Variants in PYGB observed in about 807,000 individuals in gnomAD.
The protein encoded by PYGB is glycogen phosphorylase B.
In PYGB, 82 loss-of-function variants were observed where a neutral mutation model predicts 94.3. The ratio of observed to expected loss-of-function variants is 0.87; its 90% CI spans 0.73 to 1.04. PYGB has a LOEUF of 1.04. Ranked by LOEUF, PYGB falls within the 50% of genes least tolerant of loss-of-function variation. PYGB has a pLI of 0.00. For missense variants in PYGB, 1,132 were observed against 1,158.2 expected, an observed-to-expected ratio of 0.98 and a Z score of 0.33; for synonymous variants, 488 against 479.1, an observed-to-expected ratio of 1.02 and a Z score of -0.24.
chr20:25,259,984 G>A (rs1165084548), intron 2 of PYGB, among the ~76,000 whole-genome samples: 3 of 152,124 alleles, frequency 2.0e-5, no homozygotes, highest in Non-Finnish European at 4.4e-5. Flanking sequence ...CCACCTCAGC[G>A]CCCTGCCACC....
intron 18 of PYGB, among the ~76,000 whole-genome samples, chr20:25,295,276 T>C (rs1390885328): frequency 1.3e-5 from 2 of 152,260 alleles, no homozygotes; most frequent in Non-Finnish European, 2.9e-5. Context: ...CTCTCCACTG[T>C]CTGCCCAGGA....
chr20:25,275,977 G>A (rs368266259), intron 5 of PYGB, among the ~76,000 whole-genome samples: 4 of 152,380 alleles, frequency 2.6e-5, no homozygotes, highest in East Asian at 3.9e-4. Flanking sequence ...CCCTGAGTGC[G>A]CCTGCCGGGG....
intron 1 of PYGB, among the ~76,000 whole-genome samples, chr20:25,253,463 C>A (rs1212620676): frequency 6.6e-6 from 1 of 151,876 alleles, no homozygotes; most frequent in Non-Finnish European, 1.5e-5. Flanking sequence ...ACCAGCCTGA[C>A]CAATATGGTG....
intron 18 of PYGB, 129 bp downstream of exon 18, chr20:25,294,421 C>G (rs1600746022): frequency 1.8e-5 from 22 of 1,190,094 alleles, no homozygotes; most frequent in African/African-American, 1.5e-4. Flanking sequence ...CTCCACTGTG[C>G]CCATGAGACC....
intron 1 of PYGB, among the ~76,000 whole-genome samples, 167 bp downstream of exon 1, chr20:25,248,588 G>C (rs574993968): frequency 4.8e-4 from 73 of 152,034 alleles, no homozygotes; most frequent in African/African-American, 1.4e-3. Flanking sequence ...AGCCGCAGTC[G>C]GCGGGGCCCG....
chr20:25,278,266 G>T (rs1420851431), intron 7 of PYGB, 53 bp from the exon 8 acceptor site: 8 of 433,682 alleles, frequency 1.8e-5, no homozygotes, highest in Non-Finnish European at 2.1e-5. Context: ...TGGGCTTCCT[G>T]GGGGAGGAGA....
At chr20:25,258,838 AC>A (rs1304968512) in intron 1 of PYGB, among the ~76,000 whole-genome samples, 3 of 152,270 alleles carry the variant, frequency 2.0e-5, no homozygotes, top group Non-Finnish European at 4.4e-5. Flanking sequence ...GGCCTGTGTT[AC>A]ATCTGTGTTA....
At chr20:25,270,543 G>A (rs988933036) in intron 3 of PYGB, among the ~76,000 whole-genome samples, 1 of 152,112 alleles carries the variant, frequency 6.6e-6, no homozygotes, top group African/African-American at 2.4e-5. Context: ...CTGTGCCCAG[G>A]CTGGAGTGCA....
intron 18 of PYGB, chr20:25,294,716 T>C: frequency 1.6e-6 from 1 of 613,504 alleles, no homozygotes; most frequent in Non-Finnish European, 3.0e-6. Flanking sequence ...CAGGCAGTGG[T>C]GAAAATGGAT....
intron 18 of PYGB, among the ~76,000 whole-genome samples, chr20:25,295,272 A>G (rs2088523272): frequency 6.6e-6 from 1 of 152,242 alleles, no homozygotes; most frequent in Non-Finnish European, 1.5e-5. Context: ...TGGGCTCTCC[A>G]CTGTCTGCCC....
intron 11 of PYGB, among the ~76,000 whole-genome samples, chr20:25,281,404 G>T (rs547974011): frequency 3.3e-4 from 50 of 152,380 alleles, no homozygotes; most frequent in African/African-American, 1.2e-3. Flanking sequence ...TGGGGGTCCA[G>T]TCGGAGGCTC....
At chr20:25,260,047 T>C (rs2123522922) in intron 2 of PYGB, among the ~76,000 whole-genome samples, 1 of 152,226 alleles carries the variant, frequency 6.6e-6, no homozygotes, top group African/African-American at 2.4e-5. Context: ...GGGTGTTTTG[T>C]TGGGGGCAAA....
In PYGB at chr20:25,290,465, C is replaced by T; in HGVS notation, c.1828-16C>T. The T allele has an allele frequency of 1.2e-6, 2 of 1,600,020 alleles. No homozygotes were observed. The highest frequency in any genetic ancestry group is 2.2e-5 in the South Asian group (2 of 90,824). ...AAGGCATTTTTGTGCTAAAAACCTT[C>T]ACCCTCTCCTTCCAGGCAGCGCCCG... is the stretch of plus-strand genomic sequence containing the variant. On this transcript the variant is annotated splice_polypyrimidine_tract_variant and intron_variant, in intron 15 of 19. Coordinates refer to ENST00000216962, the MANE Select transcript of PYGB (RefSeq NM_002862.4).
chr20:25,293,822 G>A (rs1004857484), intron 17 of PYGB: 2 of 354,706 alleles, frequency 5.6e-6, no homozygotes, highest in Non-Finnish European at 1.1e-5. Flanking sequence ...CTCTGCCCAG[G>A]ATTTCACAGT....
chr20:25,251,588 G>A (rs2123505259), intron 1 of PYGB, among the ~76,000 whole-genome samples: 1 of 152,336 alleles, frequency 6.6e-6, no homozygotes, highest in African/African-American at 2.4e-5. Flanking sequence ...GTGAGGGTCA[G>A]GACACAAAAC....
chr20:25,279,120 G>A lies in PYGB; in HGVS notation c.1063G>A (p.Val355Met). 1.2e-6 allele frequency: 2 copies of A among 1,614,024 alleles called. No individual in the cohort carries two copies. The highest frequency in any genetic ancestry group is 1.7e-6 in the Non-Finnish European group (2 of 1,179,914). ...LSIPELMRIL[V>M]DVEKVDWDKA... ...CATCCCTGAGCTCATGCGGATCCTGGTGGACGTGGAGAAGGTGGACTGGGA... is the reference window on the plus strand; with the variant it reads ...CATCCCTGAGCTCATGCGGATCCTGATGGACGTGGAGAAGGTGGACTGGGA... The change falls in exon 9 of 20, where the codon GTG becomes ATG. Residue 355 changes from valine (V) to methionine (M), a missense_variant. Transcript: ENST00000216962.
At position 25,290,623 on chromosome 20, in the gene PYGB, G is replaced by A. The variant is rs112299527; in HGVS notation, c.1969+1G>A. ...TACCGTGTGTCCTTGGCTGAGAAAG[G>A]TAACCCTGGAAGCCTGTGTTGGACA... On this transcript the variant is annotated splice_donor_variant, in intron 16 of 19. Coordinates refer to ENST00000216962, the MANE Select transcript of PYGB (RefSeq NM_002862.4). LOFTEE classifies it high-confidence loss of function. The A allele has an allele frequency of 6.3e-7, 1 of 1,595,424 alleles. No homozygotes were observed. Among genetic ancestry groups the A allele is most frequent in the Non-Finnish European group, 8.6e-7 (1 of 1,164,196 alleles).
chr20:25,277,414 G>A, intron 7 of PYGB, 88 bp downstream of exon 7: 1 of 1,304,790 alleles, frequency 7.7e-7, no homozygotes, highest in Admixed American at 1.9e-5. Flanking sequence ...CCCCAGTGGG[G>A]CCTGCTGTTG....
In PYGB at chr20:25,282,082, A is replaced by G; in HGVS notation, c.1453A>G (p.Asn485Asp). The G allele has an allele frequency of 1.2e-6, 2 of 1,613,994 alleles. No homozygotes were observed. Among genetic ancestry groups the G allele is most frequent in the Non-Finnish European group, 1.7e-6 (2 of 1,179,956 alleles). Residue 485 changes from asparagine to aspartate, a missense_variant, in exon 12 of 20, where the codon AAT becomes GAT. Physicochemically the swap from Asn to Asp is conservative, Grantham distance 23 (BLOSUM62 1). Transcript: ENST00000216962. ...LEPEKFQNKTNGITPRRWLLL... is the reference protein window; with the variant it reads ...LEPEKFQNKTDGITPRRWLLL... ...GCCAGAGAAGTTCCAGAATAAGACC[A>G]ATGGCATCACCCCCCGCCGGTGGCT...
Sources: gnomAD v4.1 joint callset for allele counts (sites outside exome capture counted in the v4.1 genomes callset) on GRCh38, gnomAD v4.1.1 for gene constraint, MANE v1.5 for transcripts, NCBI Gene and HGNC (gene_info 2026-07-23, HGNC 2026-07-21) for gene names.